RIMS1: variants seen among roughly 807,000 people sequenced by gnomAD.
RIMS1 encodes the protein regulating synaptic membrane exocytosis protein 1.
Under a neutral mutation model 214.1 loss-of-function variants are expected in RIMS1, and 83 were observed. That is an observed-to-expected ratio of 0.39 (90% CI 0.32 to 0.47). The LOEUF (loss-of-function observed/expected upper bound fraction) is 0.47. RIMS1 is among the 20% of genes least tolerant of loss of function. The pLI is 0.99. For missense variants in RIMS1, 2,050 were observed against 2,161.8 expected, an observed-to-expected ratio of 0.95 and a Z score of 1.03; for synonymous variants, 793 against 786.8, an observed-to-expected ratio of 1.01 and a Z score of -0.13.
Position 71,958,426 on chromosome 6 carries a change from A to G in RIMS1, c.165-10557A>G, listed in dbSNP as rs568027845. 2.5e-4 allele frequency among the ~76,000 whole-genome samples: 38 copies of G among 152,182 alleles called. 1 individual carries two copies. Among genetic ancestry groups the G allele is most frequent in the South Asian group, 2.5e-3 (12 of 4,824 alleles). ...ATATAAGAACGTGTGCTTCCTGAAG[A>G]AGTTGGTGGTGGATAAATGAGAGTA... On this transcript the variant is annotated intron_variant, in intron 1 of 33. Coordinates refer to ENST00000521978, the MANE Select transcript of RIMS1 (RefSeq NM_014989.7).
At chr6:72,232,803 T>C (rs2062505593) in intron 6 of RIMS1, among the ~76,000 whole-genome samples, 1 of 151,814 alleles carries the variant, frequency 6.6e-6, no homozygotes, top group Non-Finnish European at 1.5e-5. Context: ...GCATTTTGTT[T>C]ATAGTGCCTG....
chr6:72,400,833 A>G lies in RIMS1; in HGVS notation c.*119A>G. Reference sequence around the variant, plus strand: ...GACAATCAACTTGTGTTTTGCCTGTAGTAGTTTTTCAATAATATGTCCCAA... The same window carrying G: ...GACAATCAACTTGTGTTTTGCCTGTGGTAGTTTTTCAATAATATGTCCCAA... On this transcript the variant is annotated 3_prime_UTR_variant, in exon 34 of 34. Coordinates refer to ENST00000521978, the MANE Select transcript of RIMS1 (RefSeq NM_014989.7). 1 of 809,018 alleles carries G rather than the reference A, an allele frequency of 1.2e-6. No individual in the cohort carries two copies. The highest frequency in any genetic ancestry group is 1.9e-6 in the Non-Finnish European group (1 of 514,546). The allele number at this position is 809,018 out of a possible 1,614,324, so 50.1% of individuals were successfully genotyped here.
At chr6:72,314,640 C>G (rs771620866) in intron 28 of RIMS1, among the ~76,000 whole-genome samples, 6 of 152,066 alleles carry the variant, frequency 3.9e-5, no homozygotes, top group Admixed American at 2.6e-4. Flanking sequence ...CAGCATCTGA[C>G]TCTAAAAGAA....
chr6:72,331,590 T>C (rs558362895), intron 28 of RIMS1, among the ~76,000 whole-genome samples: 1 of 151,846 alleles, frequency 6.6e-6, no homozygotes, highest in Non-Finnish European at 1.5e-5. Flanking sequence ...TATTAGATAA[T>C]GCATTCAAAT....
chr6:72,046,425 G>T (rs1253545704), intron 2 of RIMS1, among the ~76,000 whole-genome samples: 2 of 152,040 alleles, frequency 1.3e-5, no homozygotes, highest in East Asian at 3.9e-4. Flanking sequence ...GTATTGCTGA[G>T]AATATTGCAG....
At chr6:72,138,689 T>C (rs1287159285) in intron 4 of RIMS1, among the ~76,000 whole-genome samples, 1 of 152,120 alleles carries the variant, frequency 6.6e-6, no homozygotes, top group Non-Finnish European at 1.5e-5. Flanking sequence ...AAAGTAAATT[T>C]GCATAAGGCA....
chr6:72,274,891 T>C (rs1289069293), intron 23 of RIMS1, among the ~76,000 whole-genome samples: 1 of 151,892 alleles, frequency 6.6e-6, no homozygotes, highest in Non-Finnish European at 1.5e-5. Context: ...TTAAATAATG[T>C]CTGTCTTATT....
chr6:72,106,742 G>A (rs1332626517), intron 4 of RIMS1, among the ~76,000 whole-genome samples: 1 of 152,122 alleles, frequency 6.6e-6, no homozygotes, highest in Non-Finnish European at 1.5e-5. Flanking sequence ...TCAGACTAGT[G>A]TATGATGGTT....
At chr6:71,995,450 A>ATGTGTG (rs1803090798) in intron 2 of RIMS1, among the ~76,000 whole-genome samples, 1 of 74,688 alleles carries the variant, frequency 1.3e-5, no homozygotes, top group South Asian at 4.5e-4. Context: ...CTGTAATATG[A>ATGTGTG]CGTGTGTGTG....
At position 72,398,942 on chromosome 6, in the gene RIMS1, T is replaced by C. The variant is rs1454886243; in HGVS notation, c.4721-13T>C. On this transcript the variant is annotated splice_polypyrimidine_tract_variant and intron_variant, in intron 32 of 33. Transcript: ENST00000521978. ...AGGAATAATTTCTTATATGTTAATA[T>C]ACCTTTGTTTAGCTCCATATGTCAA... 32 of 1,509,076 alleles carry C rather than the reference T, an allele frequency of 2.1e-5. No homozygotes were observed. Among genetic ancestry groups the C allele is most frequent in the Non-Finnish European group, 2.7e-5 (30 of 1,091,988 alleles). The allele number at this position is 1,509,076 out of a possible 1,614,324, so 93.5% of individuals were successfully genotyped here.
intron 6 of RIMS1, among the ~76,000 whole-genome samples, chr6:72,226,951 A>G (rs967234597): frequency 4.6e-5 from 7 of 152,008 alleles, no homozygotes; most frequent in African/African-American, 1.7e-4. Context: ...ATCCTCATGA[A>G]GTGTTTGTGA....
chr6:72,067,591 T>C (rs1016219425), intron 2 of RIMS1, among the ~76,000 whole-genome samples: 2 of 152,164 alleles, frequency 1.3e-5, no homozygotes, highest in African/African-American at 2.4e-5. Flanking sequence ...ATTTGTTGTG[T>C]GATGTCTTTA....
chr6:72,277,112 C>G (rs2086856641), intron 23 of RIMS1, among the ~76,000 whole-genome samples: 1 of 152,170 alleles, frequency 6.6e-6, no homozygotes, highest in Admixed American at 6.5e-5. Flanking sequence ...CCAGTACATT[C>G]AAATAAATTG....
chr6:71,912,971 G>A (rs745455635), intron 1 of RIMS1, among the ~76,000 whole-genome samples: 4 of 152,154 alleles, frequency 2.6e-5, no homozygotes, highest in Non-Finnish European at 4.4e-5. Context: ...TAAATTTCAC[G>A]CACCATCCTT....
intron 2 of RIMS1, among the ~76,000 whole-genome samples, chr6:72,014,326 G>A (rs1319413162): frequency 6.6e-6 from 1 of 152,120 alleles, no homozygotes; most frequent in African/African-American, 2.4e-5. Flanking sequence ...TGACACGTGG[G>A]GATTATGGAA....
In RIMS1 at chr6:72,011,685, T is replaced by C. The variant is rs1051628582; in HGVS notation, c.245+42622T>C. 9.9e-5 allele frequency among the ~76,000 whole-genome samples: 15 copies of C among 152,122 alleles called. No homozygotes were observed. In the South Asian group the frequency reaches 1.2e-3, roughly 13 times the overall value. On this transcript the variant is annotated intron_variant, in intron 2 of 33. Coordinates refer to ENST00000521978, the MANE Select transcript of RIMS1 (RefSeq NM_014989.7). ...GTGGGCAAAGGACATGAACAGACAC[T>C]TCTCAAAAGAAGACATTTATGCAGC...
chr6:72,114,070 A>T (rs954198314), intron 4 of RIMS1, among the ~76,000 whole-genome samples: 1 of 152,094 alleles, frequency 6.6e-6, no homozygotes, highest in Non-Finnish European at 1.5e-5. Context: ...AAGAGAAAAA[A>T]GTTTCAAATG....
chr6:72,235,530 C>CCT (rs2063674018), intron 7 of RIMS1, 88 bp from the exon 8 acceptor site: 2 of 810,310 alleles, frequency 2.5e-6, no homozygotes, highest in East Asian at 5.5e-5. Context: ...ATCCATGTTA[C>CCT]CTCTAATGAC....
intron 23 of RIMS1, among the ~76,000 whole-genome samples, chr6:72,278,334 C>T (rs2087874186): frequency 6.6e-6 from 1 of 152,058 alleles, no homozygotes; most frequent in African/African-American, 2.4e-5. Context: ...CTGAGTTGTT[C>T]TGCTAAAGTG....
Sources: gnomAD v4.1 joint callset for allele counts (sites outside exome capture counted in the v4.1 genomes callset) on GRCh38, gnomAD v4.1.1 for gene constraint, MANE v1.5 for transcripts, NCBI Gene and HGNC (gene_info 2026-07-23, HGNC 2026-07-21) for gene names.